The following ANK3 variants were observed in gnomAD, a reference collection of about 807,000 sequenced individuals.
The protein encoded by ANK3 is ankyrin 3.
In ANK3, 57 loss-of-function variants were observed where a neutral mutation model predicts 370.9. The observed-to-expected ratio is 0.15, with a 90% CI of 0.12 to 0.19. The LOEUF (loss-of-function observed/expected upper bound fraction) is 0.19, where lower values mean the gene tolerates loss of function less well. Ranked by LOEUF, ANK3 falls within the 10% of genes least tolerant of loss-of-function variation. ANK3 has a pLI of 1.00. For synonymous variants in ANK3, 1,929 were observed against 1,946.3 expected, an observed-to-expected ratio of 0.99 and a Z score of 0.23; for missense variants, 4,439 against 5,302.1, an observed-to-expected ratio of 0.84 and a Z score of 5.06.
chr10:60,513,561 A>C (rs960725857), intron 2 of ANK3, among the ~76,000 whole-genome samples: 1 of 152,132 alleles, frequency 6.6e-6, no homozygotes, highest in African/African-American at 2.4e-5. Flanking sequence ...TAGTGTGAGT[A>C]GGAAAAAAAG....
At chr10:60,395,386 A>T (rs1355002792) in intron 2 of ANK3, among the ~76,000 whole-genome samples, 2 of 152,206 alleles carry the variant, frequency 1.3e-5, no homozygotes. Context: ...GAAATGTGAA[A>T]TTAGATGCAT....
At chr10:60,051,680 T>G (rs1417750992) in intron 42 of ANK3, 2 of 446,304 alleles carry the variant, frequency 4.5e-6, no homozygotes, top group Non-Finnish European at 3.0e-6. Flanking sequence ...TTTTTTTTTT[T>G]TTTGCCGACT....
At chr10:60,362,043 C>A (rs978106374) in intron 1 of ANK3, among the ~76,000 whole-genome samples, 1 of 152,066 alleles carries the variant, frequency 6.6e-6, no homozygotes, top group Non-Finnish European at 1.5e-5. Context: ...ATAATTTCAG[C>A]TTTGTAAGCA....
At chr10:60,695,323 T>A (rs2079429715) in intron 1 of ANK3, among the ~76,000 whole-genome samples, 1 of 151,940 alleles carries the variant, frequency 6.6e-6, no homozygotes, top group Admixed American at 6.6e-5. Context: ...CACCCCACTG[T>A]CAACATTAGA....
At chr10:60,252,100 T>A (rs951204432) in intron 7 of ANK3, among the ~76,000 whole-genome samples, 1 of 152,224 alleles carries the variant, frequency 6.6e-6, no homozygotes, top group Admixed American at 6.5e-5. Context: ...AGAGGGCCAA[T>A]AAATGATCGT....
intron 2 of ANK3, among the ~76,000 whole-genome samples, chr10:60,404,541 C>A (rs932319918): frequency 2.0e-5 from 3 of 151,850 alleles, no homozygotes; most frequent in Non-Finnish European, 4.4e-5. Flanking sequence ...AAATATAAAC[C>A]TCAACTCCTA....
chr10:60,579,401 T>G (rs1470983480), intron 2 of ANK3, among the ~76,000 whole-genome samples: 3 of 142,298 alleles, frequency 2.1e-5, no homozygotes, highest in Non-Finnish European at 3.1e-5. Context: ...TAAAGGAGAA[T>G]AGGAGAAATT....
At chr10:60,394,091 T>C (rs183333490), upstream of ANK3, among the ~76,000 whole-genome samples, 1 of 150,384 alleles carries the variant, frequency 6.6e-6, no homozygotes, top group African/African-American at 2.5e-5. Flanking sequence ...AGCCTCGCCA[T>C]AAGAGATAGT....
Position 60,286,155 on chromosome 10 carries a change from T to G in ANK3, c.115-6516A>C, listed in dbSNP as rs186239697. Among the ~76,000 whole-genome samples the G allele has an allele frequency of 2.9e-3, 437 of 152,242 alleles. 3 individuals are homozygous for G. The highest frequency in any genetic ancestry group is 0.028 in the South Asian group (136 of 4,828). On this transcript the variant is annotated intron_variant, in intron 1 of 43. Transcript: ENST00000280772. ...TCAGCTCAAGAATGCAAGTTACAAGTGGATTTGAAGACTCCCAACGAGTCC... is the reference window on the plus strand; with the variant it reads ...TCAGCTCAAGAATGCAAGTTACAAGGGGATTTGAAGACTCCCAACGAGTCC...
intron 2 of ANK3, among the ~76,000 whole-genome samples, chr10:60,446,284 G>C (rs2064443006): frequency 6.6e-6 from 1 of 152,134 alleles, no homozygotes; most frequent in African/African-American, 2.4e-5. Context: ...CACTCATCCA[G>C]AGCCAACTAA....
intron 16 of ANK3, among the ~76,000 whole-genome samples, chr10:60,191,676 C>T (rs1214133492): frequency 2.0e-5 from 3 of 152,110 alleles, no homozygotes; most frequent in Non-Finnish European, 2.9e-5. Flanking sequence ...GGAGATATCT[C>T]AAAGAACTAA....
At chr10:60,295,807 A>C (rs768991935) in intron 1 of ANK3, among the ~76,000 whole-genome samples, 1 of 152,216 alleles carries the variant, frequency 6.6e-6, no homozygotes, top group Non-Finnish European at 1.5e-5. Context: ...CAATCTTGTT[A>C]CATGCTAACT....
At chr10:60,636,338 A>T (rs944916279) in intron 1 of ANK3, among the ~76,000 whole-genome samples, 3 of 152,148 alleles carry the variant, frequency 2.0e-5, no homozygotes, top group African/African-American at 7.2e-5. Context: ...GGGGTTAGTG[A>T]CTTGACCAAG....
intron 5 of ANK3, among the ~76,000 whole-genome samples, chr10:60,268,298 AT>A (rs1033680347): frequency 6.6e-6 from 1 of 152,240 alleles, no homozygotes; most frequent in Non-Finnish European, 1.5e-5. Context: ...AAATAAAAAA[AT>A]ATGTATAAAA....
chr10:60,558,455 T>G (rs2077259069), intron 2 of ANK3, among the ~76,000 whole-genome samples: 1 of 152,172 alleles, frequency 6.6e-6, no homozygotes, highest in Non-Finnish European at 1.5e-5. Context: ...CTCATATTCC[T>G]TGCAGCACAC....
chr10:60,413,442 T>A (rs1026308063), intron 2 of ANK3, among the ~76,000 whole-genome samples: 2 of 152,240 alleles, frequency 1.3e-5, no homozygotes, highest in African/African-American at 4.8e-5. Flanking sequence ...GACAATCTTC[T>A]CTAGTTCCCA....
intron 11 of ANK3, 31 bp downstream of exon 11, chr10:60,205,761 C>T: frequency 6.6e-7 from 1 of 1,515,780 alleles, no homozygotes. Flanking sequence ...CTCAGTATCT[C>T]AGGACTCCCA....
intron 2 of ANK3, among the ~76,000 whole-genome samples, chr10:60,528,326 G>T (rs1489813790): frequency 1.1e-4 from 16 of 151,802 alleles, no homozygotes; most frequent in Non-Finnish European, 4.4e-5. Context: ...AGTAGAGACG[G>T]TGTTTCTCCA....
In ANK3 at chr10:60,071,773, T is replaced by G. The variant is rs756027885; in HGVS notation, c.9108A>C (p.Pro3036=). 1 of 1,600,560 alleles carries G rather than the reference T, an allele frequency of 6.2e-7. No homozygotes were observed. Residue 3036 remains proline, a synonymous_variant, in exon 37 of 44, where the codon CCA becomes CCC. Coordinates refer to ENST00000280772, the MANE Select transcript of ANK3 (RefSeq NM_020987.5). ...GGGAGGTTTCGGTTTCCTCGAGAGG[T>G]GGGCATAAACCTACATAACTCTGGT... ...SKHQSYVGLC[P]PLEETETSPT... is the part of the protein sequence containing the mutation.
Sources: gnomAD v4.1 joint callset for allele counts (sites outside exome capture counted in the v4.1 genomes callset) on GRCh38, gnomAD v4.1.1 for gene constraint, MANE v1.5 for transcripts, NCBI Gene and HGNC (gene_info 2026-07-23, HGNC 2026-07-21) for gene names.